Variants in PLEKHM2 observed in about 807,000 individuals in gnomAD.
PLEKHM2 encodes pleckstrin homology and RUN domain containing M2, also known as pleckstrin homology domain-containing family M member 2.
PLEKHM2 carries 77 observed loss-of-function variants against 116.3 expected under a neutral mutation model. The ratio of observed to expected loss-of-function variants is 0.66; its 90% CI spans 0.55 to 0.80. The LOEUF is 0.80. Ranked by LOEUF, PLEKHM2 falls within the 30% of genes least tolerant of loss-of-function variation. PLEKHM2 has a pLI of 0.00. For synonymous variants in PLEKHM2, 562 were observed against 571.0 expected, an observed-to-expected ratio of 0.98 and a Z score of 0.22; for missense variants, 1,183 against 1,354.9, an observed-to-expected ratio of 0.87 and a Z score of 1.99.
At chr1:15,717,849 G>C (rs755758203) in intron 3 of PLEKHM2, 44 bp from the exon 4 acceptor site, 8 of 1,285,312 alleles carry the variant, frequency 6.2e-6, no homozygotes, top group Non-Finnish European at 8.9e-6. Flanking sequence ...AAAGCCAGCA[G>C]TCTGAGAGGC....
At chr1:15,703,228 A>C (rs1010078919) in intron 1 of PLEKHM2, among the ~76,000 whole-genome samples, 1 of 152,138 alleles carries the variant, frequency 6.6e-6, no homozygotes, top group African/African-American at 2.4e-5. Flanking sequence ...AAGGTTTCTT[A>C]GGTATCCTTA....
chr1:15,708,836 C>T (rs551926531), intron 1 of PLEKHM2, among the ~76,000 whole-genome samples: 8 of 152,284 alleles, frequency 5.3e-5, no homozygotes, highest in Non-Finnish European at 7.4e-5. Context: ...GACCTACTTA[C>T]GGGGCTGCGG....
chr1:15,720,395 T>C (rs2067980252), intron 6 of PLEKHM2: 6 of 985,202 alleles, frequency 6.1e-6, no homozygotes, highest in Non-Finnish European at 7.2e-6. Flanking sequence ...GTGTCCTGTG[T>C]GTCCGTCCGA....
intron 1 of PLEKHM2, among the ~76,000 whole-genome samples, chr1:15,713,005 T>C (rs866090297): frequency 2.6e-5 from 4 of 152,206 alleles, no homozygotes; most frequent in Non-Finnish European, 4.4e-5. Context: ...TTCACCATGT[T>C]AGCCAGGCTG....
At chr1:15,681,962 T>C (rs1478948448), upstream of PLEKHM2, among the ~76,000 whole-genome samples, 7 of 151,812 alleles carry the variant, frequency 4.6e-5, no homozygotes, top group East Asian at 1.4e-3. Context: ...CCCAGCCCTT[T>C]GGGAGGCTGA....
chr1:15,728,726 A>G lies in PLEKHM2; in HGVS notation c.1979A>G (p.Tyr660Cys), dbSNP rs1484693180. 2 of 1,609,366 alleles carry G rather than the reference A, an allele frequency of 1.2e-6. No individual in the cohort carries two copies. The highest frequency in any genetic ancestry group is 2.2e-5 in the East Asian group (1 of 44,718). ...EEAVSYNELD[Y>C]VSVGLDQQTV... ...GCCGTTTCTTACAATGAACTTGACT[A>G]TGTGTCGGTGAGTCCAGGCCCCGCA... Residue 660 changes from tyrosine to cysteine, a missense_variant, in exon 12 of 20, where the codon TAT becomes TGT. Tyr to Cys is a radical substitution (Grantham distance 194). Around this residue, in one of 3 missense-constraint regions of PLEKHM2, gnomAD observed 594 missense variants for 720.1 expected, o/e 0.82. Coordinates refer to ENST00000375799, the MANE Select transcript of PLEKHM2 (RefSeq NM_015164.4). The surrounding 1 kb of genome is among the most constrained non-coding windows in gnomAD (Gnocchi z 5.9).
intron 6 of PLEKHM2, chr1:15,720,426 G>A: frequency 6.1e-6 from 6 of 985,234 alleles, no homozygotes; most frequent in Non-Finnish European, 7.2e-6. Context: ...TTCCTTCTGC[G>A]CTCGCTGATG....
upstream of PLEKHM2, among the ~76,000 whole-genome samples, chr1:15,683,569 G>A (rs1321908433): frequency 1.3e-5 from 2 of 150,178 alleles, no homozygotes; most frequent in African/African-American, 4.9e-5. Flanking sequence ...GCCTGTGGGA[G>A]TCTCTGGGGT....
chr1:15,731,360 C>A, intron 16 of PLEKHM2, 103 bp downstream of exon 16: 1 of 873,602 alleles, frequency 1.1e-6, no homozygotes, highest in Non-Finnish European at 1.9e-6. Context: ...GCCCTCAACC[C>A]CACCCCATCC....
At position 15,728,373 on chromosome 1, in the gene PLEKHM2, G is replaced by A. The variant is rs774375292; in HGVS notation, c.1921+16G>A. 12 of 1,606,636 alleles carry A rather than the reference G, an allele frequency of 7.5e-6. No homozygotes were observed. The Admixed American group carries it at 1.0e-4, about 13-fold the overall frequency. On this transcript the variant is annotated intron_variant, in intron 11 of 19. Coordinates refer to ENST00000375799, the MANE Select transcript of PLEKHM2 (RefSeq NM_015164.4). The surrounding 1 kb of genome is among the most constrained non-coding windows in gnomAD (Gnocchi z 5.9). ...CTCCGGAAAGGTGCCCGCCGCCCCC[G>A]GGCAGACAGCGGGTTGTAGACGAGG...
At chr1:15,684,081 C>T (rs925444902), upstream of PLEKHM2, among the ~76,000 whole-genome samples, 20 of 137,616 alleles carry the variant, frequency 1.5e-4, no homozygotes, top group East Asian at 6.8e-4. Flanking sequence ...CTCTGAGGAG[C>T]CCCGAGGTCC....
At chr1:15,693,807 G>C (rs1022316733) in intron 1 of PLEKHM2, among the ~76,000 whole-genome samples, 1 of 152,226 alleles carries the variant, frequency 6.6e-6, no homozygotes, top group African/African-American at 2.4e-5. Context: ...AAGCCTTAAT[G>C]TGGAAAGGCA....
At chr1:15,731,771 C>A in intron 16 of PLEKHM2, 118 bp from the exon 17 acceptor site, 1 of 843,118 alleles carries the variant, frequency 1.2e-6, no homozygotes, top group African/African-American at 1.7e-5. Context: ...TGGTATCCTC[C>A]AGCCCCCAAG....
In PLEKHM2 at chr1:15,727,855, A is replaced by C. The variant is rs752488084; in HGVS notation, c.1760+23A>C. On this transcript the variant is annotated intron_variant, in intron 9 of 19. Coordinates refer to ENST00000375799, the MANE Select transcript of PLEKHM2 (RefSeq NM_015164.4). The surrounding 1 kb of genome is among the most constrained non-coding windows in gnomAD (Gnocchi z 7.5). ...CAGGTAACAAGACTCTGCAGCTGGC[A>C]TGGGACTCTCCCAGCCCTTGAAGCT... is the stretch of plus-strand genomic sequence containing the variant. 2 of 1,506,820 alleles carry C rather than the reference A, an allele frequency of 1.3e-6. No homozygotes were observed. Among genetic ancestry groups the C allele is most frequent in the African/African-American group, 2.8e-5 (2 of 72,556 alleles). 93.3% of individuals were successfully genotyped at this position (1,506,820 alleles called of 1,614,324 possible).
intron 1 of PLEKHM2, among the ~76,000 whole-genome samples, chr1:15,689,245 CAAAA>C (rs34554449): frequency 1.5e-4 from 14 of 95,540 alleles, no homozygotes; most frequent in African/African-American, 4.2e-4. Context: ...AACTCCGTCT[CAAAA>C]AAAAAAAAAA....
At chr1:15,730,455 A>G in intron 14 of PLEKHM2, 77 bp from the exon 15 acceptor site, 1 of 1,244,898 alleles carries the variant, frequency 8.0e-7, no homozygotes, top group South Asian at 1.6e-5. Context: ...AAGAAAAAAA[A>G]AGAACCAGTC....
chr1:15,702,920 G>T (rs1461329943), intron 1 of PLEKHM2, among the ~76,000 whole-genome samples: 1 of 151,694 alleles, frequency 6.6e-6, no homozygotes, highest in Non-Finnish European at 1.5e-5. Context: ...TAGAAACAGG[G>T]TCTTGCTATA....
At chr1:15,701,730 G>A (rs183193137) in intron 1 of PLEKHM2, among the ~76,000 whole-genome samples, 1 of 152,314 alleles carries the variant, frequency 6.6e-6, no homozygotes, top group Non-Finnish European at 1.5e-5. Flanking sequence ...GGCGGAGCTT[G>A]CAGTGAGCCG....
At position 15,721,382 on chromosome 1, in the gene PLEKHM2, TG is replaced by T. The variant is rs1177289322; in HGVS notation, c.709del (p.Glu237LysfsTer19). On this transcript the variant is annotated frameshift_variant, in exon 7 of 20. Coordinates refer to ENST00000375799, the MANE Select transcript of PLEKHM2 (RefSeq NM_015164.4). LOFTEE classifies it high-confidence loss of function. The surrounding 1 kb of genome is among the most constrained non-coding windows in gnomAD (Gnocchi z 5.1). The part of the protein sequence containing the change: ...PAVPSVPSTD[W>X]EDGDLTDTVS... ...AGTGCCGTCTGTACCCAGCACAGAC[TG>T]GGAAGGTGGGCCAGAGTCCGCTGTT... is the stretch of plus-strand genomic sequence containing the variant. 6.4e-7 allele frequency: 1 copy of T among 1,563,622 alleles called. No homozygotes were observed. Among genetic ancestry groups the T allele is most frequent in the African/African-American group, 1.4e-5 (1 of 73,886 alleles).
Sources: gnomAD v4.1 joint callset for allele counts (sites outside exome capture counted in the v4.1 genomes callset) on GRCh38, gnomAD v4.1.1 for gene constraint, gnomAD v4.1.1 regional missense constraint, Gnocchi (gnomAD v3.1) non-coding constraint, MANE v1.5 for transcripts, NCBI Gene and HGNC (gene_info 2026-07-23, HGNC 2026-07-21) for gene names.